MECOM: variants seen among roughly 807,000 people sequenced by gnomAD.
MECOM encodes the protein histone-lysine N-methyltransferase MECOM.
In MECOM, 13 loss-of-function variants were observed where a neutral mutation model predicts 116.3. The ratio of observed to expected loss-of-function variants is 0.11; its 90% CI spans 0.07 to 0.18. The LOEUF (loss-of-function observed/expected upper bound fraction) is 0.18. Among genes scored for constraint, MECOM ranks in the 10% least tolerant of loss-of-function variants. The probability of loss-of-function intolerance (pLI) is 1.00; values close to 1 mark genes in which losing one functional copy is unlikely to be tolerated. For synonymous variants in MECOM, 528 were observed against 535.2 expected (o/e 0.99, Z 0.19); for missense variants, 1,299 against 1,509.0 (o/e 0.86, Z 2.31).
intron 2 of MECOM, among the ~76,000 whole-genome samples, chr3:169,177,448 A>C (rs746225296): frequency 6.6e-6 from 1 of 152,086 alleles, no homozygotes; most frequent in African/African-American, 2.4e-5. Flanking sequence ...GAGGGGAACA[A>C]TGCATACCAG....
chr3:169,421,345 A>G (rs1739692406), intron 1 of MECOM, among the ~76,000 whole-genome samples: 1 of 152,124 alleles, frequency 6.6e-6, no homozygotes. Context: ...ACTGTTAAGG[A>G]ATGTGGAGTT....
At chr3:169,210,144 G>A (rs1750523015) in intron 2 of MECOM, among the ~76,000 whole-genome samples, 1 of 152,038 alleles carries the variant, frequency 6.6e-6, no homozygotes, top group Non-Finnish European at 1.5e-5. Context: ...TCATAAGTGG[G>A]ACACAGGGAG....
chr3:169,388,996 A>T (rs1016668313), intron 1 of MECOM, among the ~76,000 whole-genome samples: 1 of 152,212 alleles, frequency 6.6e-6, no homozygotes, highest in Non-Finnish European at 1.5e-5. Flanking sequence ...TGTGATACGG[A>T]TGGAAAATAA....
chr3:169,290,330 T>C (rs1032914499), intron 2 of MECOM, among the ~76,000 whole-genome samples: 2 of 152,202 alleles, frequency 1.3e-5, no homozygotes, highest in African/African-American at 4.8e-5. Flanking sequence ...AAATCATTTT[T>C]TAAAAAGTCA....
At chr3:169,455,524 A>T (rs1465409514) in intron 1 of MECOM, among the ~76,000 whole-genome samples, 2 of 152,136 alleles carry the variant, frequency 1.3e-5, no homozygotes, top group Admixed American at 1.3e-4. Flanking sequence ...TTGATGGGTT[A>T]TCACCTCCTT....
In MECOM at chr3:169,083,674, G is replaced by A. The variant is rs1364933810; in HGVS notation, c.*1235C>T. 2 of 201,258 alleles carry A rather than the reference G, an allele frequency of 9.9e-6. No individual in the cohort carries two copies. Among genetic ancestry groups the A allele is most frequent in the African/African-American group, 2.3e-5 (1 of 43,654 alleles). The allele number at this position is 201,258 out of a possible 1,614,324, so 12.5% of individuals were successfully genotyped here. The stretch of plus-strand genomic sequence containing the variant: ...AACAAATCTGGTTCCTCAATAAAGG[G>A]CAAAATAACTGAATACAGTCTGTTA... On this transcript the variant is annotated 3_prime_UTR_variant, in exon 17 of 17. Coordinates refer to ENST00000651503, the MANE Select transcript of MECOM (RefSeq NM_004991.4).
chr3:169,584,463 G>A (rs556051727), intron 1 of MECOM, among the ~76,000 whole-genome samples: 8 of 151,780 alleles, frequency 5.3e-5, no homozygotes, highest in African/African-American at 1.4e-4. Context: ...TACTCAGGAG[G>A]CTGAGGCAGG....
chr3:169,612,330 A>G (rs574591332), intron 1 of MECOM, among the ~76,000 whole-genome samples: 6 of 152,364 alleles, frequency 3.9e-5, no homozygotes, highest in Non-Finnish European at 7.3e-5. Context: ...TATCAGGCAG[A>G]AGCTGAAATG....
intron 1 of MECOM, among the ~76,000 whole-genome samples, chr3:169,478,256 A>C (rs1750777608): frequency 6.6e-6 from 1 of 152,144 alleles, no homozygotes; most frequent in South Asian, 2.1e-4. Flanking sequence ...CCATTTCCTT[A>C]TAGAAAAGTA....
chr3:169,208,221 G>A (rs1750211076), intron 2 of MECOM, among the ~76,000 whole-genome samples: 1 of 150,178 alleles, frequency 6.7e-6, no homozygotes, highest in African/African-American at 2.4e-5. Flanking sequence ...GTGTGTGTGT[G>A]TGTGTGTATA....
At chr3:169,534,861 T>C (rs148813628) in intron 1 of MECOM, among the ~76,000 whole-genome samples, 258 of 152,312 alleles carry the variant, frequency 1.7e-3, no homozygotes, top group African/African-American at 5.9e-3. Context: ...ATGGTCTGAC[T>C]CCAGAATCTG....
chr3:169,349,062 C>T (rs574496637), intron 2 of MECOM, among the ~76,000 whole-genome samples: 1 of 151,316 alleles, frequency 6.6e-6, no homozygotes, highest in Non-Finnish European at 1.5e-5. Flanking sequence ...ATTCCCCTCC[C>T]TCTCATCCTC....
At chr3:169,348,600 T>C (rs1448489544) in intron 2 of MECOM, among the ~76,000 whole-genome samples, 1 of 152,030 alleles carries the variant, frequency 6.6e-6, no homozygotes, top group Non-Finnish European at 1.5e-5. Context: ...ATTAACACTG[T>C]AATTACTATT....
intron 1 of MECOM, among the ~76,000 whole-genome samples, chr3:169,431,960 G>A (rs536252877): frequency 5.9e-5 from 9 of 151,946 alleles, no homozygotes; most frequent in Admixed American, 2.0e-4. Context: ...GATACTTCAA[G>A]ATAAATCAGA....
At chr3:169,237,631 AAAAAT>A (rs201267100) in intron 2 of MECOM, among the ~76,000 whole-genome samples, 167 of 148,860 alleles carry the variant, frequency 1.1e-3, no homozygotes, top group African/African-American at 3.0e-3. Flanking sequence ...AAAAAAAAAA[AAAAAT>A]GTGGCACTTA....
intron 2 of MECOM, among the ~76,000 whole-genome samples, chr3:169,181,502 A>G (rs1745965674): frequency 6.6e-6 from 1 of 152,112 alleles, no homozygotes; most frequent in Non-Finnish European, 1.5e-5. Context: ...TTGATTCCAC[A>G]CACCAACTCT....
chr3:169,168,294 CA>C (rs1743913851), intron 2 of MECOM, among the ~76,000 whole-genome samples: 1 of 146,962 alleles, frequency 6.8e-6, no homozygotes, highest in African/African-American at 2.5e-5. Context: ...TTCAGTCTCC[CA>C]AAGTTCTGGG....
At chr3:169,342,780 G>GA (rs777932245) in intron 2 of MECOM, among the ~76,000 whole-genome samples, 3 of 152,084 alleles carry the variant, frequency 2.0e-5, no homozygotes, top group South Asian at 4.2e-4. Flanking sequence ...CGAGTAAACG[G>GA]AAAATCTCAG....
intron 2 of MECOM, among the ~76,000 whole-genome samples, chr3:169,330,318 C>T (rs1474934766): frequency 6.6e-6 from 1 of 152,072 alleles, no homozygotes; most frequent in Non-Finnish European, 1.5e-5. Context: ...GCCACCACAC[C>T]CAGCCTACAG....
Sources: allele counts gnomAD v4.1 joint callset (sites outside exome capture counted in the v4.1 genomes callset), GRCh38; gene constraint gnomAD v4.1.1; transcripts MANE v1.5; gene names NCBI Gene and HGNC (gene_info 2026-07-23, HGNC 2026-07-21).